UTP4: variants seen among roughly 807,000 people sequenced by gnomAD.
The protein encoded by UTP4 is U3 small nucleolar RNA-associated protein 4 homolog.
Under a neutral mutation model 82.4 loss-of-function variants are expected in UTP4, and 45 were observed. The observed-to-expected ratio is 0.55, with a 90% CI of 0.43 to 0.70. UTP4 has a LOEUF of 0.70. Among genes scored for constraint, UTP4 ranks in the 30% least tolerant of loss-of-function variants. The pLI, the probability that UTP4 is intolerant of heterozygous loss-of-function variation, is 0.00. For synonymous variants in UTP4, 348 were observed against 300.3 expected, an observed-to-expected ratio of 1.16 and a Z score of -1.64; for missense variants, 819 against 858.3, an observed-to-expected ratio of 0.95 and a Z score of 0.57.
At chr16:69,161,499 C>G (rs1390109516) in intron 13 of UTP4, among the ~76,000 whole-genome samples, 1 of 152,202 alleles carries the variant, frequency 6.6e-6, no homozygotes, top group African/African-American at 2.4e-5. Flanking sequence ...TGCAATTGTA[C>G]ATAAAAATCC....
intron 1 of UTP4, chr16:69,133,152 A>G (rs1029244657): frequency 5.1e-6 from 2 of 394,764 alleles, no homozygotes; most frequent in South Asian, 4.5e-5. Flanking sequence ...AAACTTAGCA[A>G]TAGAGTTGAG....
intron 6 of UTP4, among the ~76,000 whole-genome samples, chr16:69,147,421 C>T (rs915937350): frequency 6.6e-6 from 1 of 151,886 alleles, no homozygotes; most frequent in African/African-American, 2.4e-5. Flanking sequence ...AGGAGAATCG[C>T]TTGAACCAGG....
rs1422518291 is a variant in UTP4, at chr16:69,150,713, G to T, written c.910+5G>T. ...CAACAGCGCTGATATCTGGAGGTGGGTTCCCCCTCTGGTGAGGCTGCTGCT... is the reference window on the plus strand; with the variant it reads ...CAACAGCGCTGATATCTGGAGGTGGTTTCCCCCTCTGGTGAGGCTGCTGCT... On this transcript the variant is annotated splice_donor_5th_base_variant and intron_variant, in intron 7 of 16. Transcript: ENST00000314423. 3.7e-6 allele frequency: 6 copies of T among 1,614,066 alleles called. No individual in the cohort carries two copies. Among genetic ancestry groups the T allele is most frequent in the African/African-American group, 2.7e-5 (2 of 74,922 alleles).
intron 14 of UTP4, among the ~76,000 whole-genome samples, chr16:69,164,967 G>A (rs967492727): frequency 9.2e-5 from 14 of 152,148 alleles, no homozygotes; most frequent in South Asian, 2.1e-4. Context: ...AGGCTGAGGC[G>A]GGCAGATCAC....
chr16:69,166,829 T>C (rs1199675995), intron 15 of UTP4: 1 of 528,698 alleles, frequency 1.9e-6, no homozygotes, highest in East Asian at 3.3e-5. Flanking sequence ...CCCTCTACAG[T>C]GTGGCTGCAA....
In UTP4 at chr16:69,137,935, G is replaced by A. The variant is rs776502169; in HGVS notation, c.436+50G>A. The A allele has an allele frequency of 7.1e-6, 8 of 1,126,430 alleles. No individual in the cohort carries two copies. In the South Asian group the frequency reaches 8.6e-5, roughly 12 times the overall value. 69.8% of individuals were successfully genotyped at this position (1,126,430 alleles called of 1,614,324 possible). A position where few individuals can be genotyped will look rare whatever the true frequency, so the allele number is the denominator to read the frequency against. On this transcript the variant is annotated intron_variant, in intron 4 of 16. Coordinates refer to ENST00000314423, the MANE Select transcript of UTP4 (RefSeq NM_032830.3). ...GTAAATAGCCTTAACAAGAAATTAAGTTTCTGTGCCACTGGGGATGGGATA... is the reference window on the plus strand; with the variant it reads ...GTAAATAGCCTTAACAAGAAATTAAATTTCTGTGCCACTGGGGATGGGATA...
intron 5 of UTP4, 74 bp downstream of exon 5, chr16:69,139,988 G>C: frequency 9.1e-7 from 1 of 1,099,872 alleles, no homozygotes; most frequent in South Asian, 1.2e-5. Flanking sequence ...AAAAGCTTGA[G>C]CCTTTGTCAT....
At chr16:69,165,229 GA>G in intron 14 of UTP4, 111 bp from the exon 15 acceptor site, 1 of 857,392 alleles carries the variant, frequency 1.2e-6, no homozygotes, top group Non-Finnish European at 1.9e-6. Context: ...AGCATAGAAT[GA>G]ATATAATACA....
At position 69,133,489 on chromosome 16, in the gene UTP4, T is replaced by G; in HGVS notation, c.30T>G (p.Arg10=). 6.2e-7 allele frequency: 1 copy of G among 1,614,148 alleles called. No individual in the cohort carries two copies. Among genetic ancestry groups the G allele is most frequent in the Non-Finnish European group, 8.5e-7 (1 of 1,180,010 alleles). The change falls in exon 2 of 17, where the codon CGT becomes CGG. Residue 10 remains arginine, a synonymous_variant. Transcript: ENST00000314423. The part of the protein sequence containing the change: MGEFKVHRV[R]FFNYVPSGIR... Reference sequence around the variant, plus strand: ...GTGAATTTAAGGTCCATCGAGTACGTTTCTTTAATTATGTTCCATCAGGAA... The same window carrying G: ...GTGAATTTAAGGTCCATCGAGTACGGTTCTTTAATTATGTTCCATCAGGAA...
At chr16:69,148,587 A>G (rs955082715) in intron 6 of UTP4, among the ~76,000 whole-genome samples, 1 of 149,910 alleles carries the variant, frequency 6.7e-6, no homozygotes, top group African/African-American at 2.5e-5. Flanking sequence ...CCTGCCTTCA[A>G]TTCTTTTGGA....
chr16:69,154,628 C>T (rs544900389), intron 10 of UTP4, among the ~76,000 whole-genome samples, 171 bp downstream of exon 10: 5 of 152,042 alleles, frequency 3.3e-5, no homozygotes, highest in East Asian at 1.9e-4. Context: ...ATAAGTAGGA[C>T]GTTGAGGATT....
chr16:69,133,725 C>A (rs1962723574), intron 2 of UTP4, 107 bp downstream of exon 2: 1 of 1,189,094 alleles, frequency 8.4e-7, no homozygotes, highest in Non-Finnish European at 1.2e-6. Context: ...CTTCCTAGCC[C>A]CTCTGAAGTT....
At chr16:69,164,624 A>T (rs980327006) in intron 14 of UTP4, among the ~76,000 whole-genome samples, 9 of 146,474 alleles carry the variant, frequency 6.1e-5, no homozygotes, top group African/African-American at 2.3e-4. Context: ...ATGTATATAT[A>T]TATCTGTATA....
intron 5 of UTP4, among the ~76,000 whole-genome samples, chr16:69,141,275 C>T (rs114199680): frequency 2.0e-5 from 3 of 152,310 alleles, no homozygotes; most frequent in East Asian, 1.9e-4. Flanking sequence ...GCTTCTCTAT[C>T]GGATAGGATC....
intron 5 of UTP4, among the ~76,000 whole-genome samples, chr16:69,142,520 G>A (rs984897209): frequency 6.6e-6 from 1 of 152,234 alleles, no homozygotes; most frequent in South Asian, 2.1e-4. Context: ...AGCTGTTAAC[G>A]GATCCCTCTT....
chr16:69,150,456 T>C (rs897031944), intron 6 of UTP4, 81 bp from the exon 7 acceptor site: 2 of 1,501,614 alleles, frequency 1.3e-6, no homozygotes, highest in Non-Finnish European at 1.9e-6. Context: ...CCTAAGCTGC[T>C]GAGACAGAAA....
intron 6 of UTP4, among the ~76,000 whole-genome samples, chr16:69,149,783 C>T (rs1036334180): frequency 6.6e-6 from 1 of 151,940 alleles, no homozygotes; most frequent in Non-Finnish European, 1.5e-5. Context: ...GGCTGGAGTG[C>T]AGTGGTGCGA....
chr16:69,165,613 A>G (rs1567383631), intron 15 of UTP4, 87 bp downstream of exon 15: 2 of 1,117,332 alleles, frequency 1.8e-6, no homozygotes, highest in Non-Finnish European at 2.7e-6. Flanking sequence ...GAGGACAGAG[A>G]CTCAGAATAA....
At chr16:69,167,274 C>T in intron 16 of UTP4, 89 bp downstream of exon 16, 1 of 866,922 alleles carries the variant, frequency 1.2e-6, no homozygotes, top group Non-Finnish European at 1.9e-6. Flanking sequence ...ATAAGAGCAC[C>T]TTCAGTTTCC....
Sources: gnomAD v4.1 joint callset for allele counts (sites outside exome capture counted in the v4.1 genomes callset) on GRCh38, gnomAD v4.1.1 for gene constraint, MANE v1.5 for transcripts, NCBI Gene and HGNC (gene_info 2026-07-23, HGNC 2026-07-21) for gene names.